The following GRID2 variants were observed in gnomAD, a reference collection of about 807,000 sequenced individuals.
GRID2 encodes glutamate receptor ionotropic, delta-2.
GRID2 carries 33 observed loss-of-function variants against 114.8 expected under a neutral mutation model. The observed-to-expected ratio is 0.29, with a 90% CI of 0.22 to 0.38. GRID2 has a LOEUF of 0.38. Ranked by LOEUF, GRID2 falls within the 10% of genes least tolerant of loss-of-function variation. The pLI, the probability that GRID2 is intolerant of heterozygous loss-of-function variation, is 1.00. For missense variants in GRID2, 1,184 were observed against 1,257.7 expected (o/e 0.94, Z 0.89); for synonymous variants, 505 against 449.9 (o/e 1.12, Z -1.55).
At chr4:92,836,624 A>G (rs1742479144) in intron 2 of GRID2, among the ~76,000 whole-genome samples, 1 of 152,164 alleles carries the variant, frequency 6.6e-6, no homozygotes, top group Non-Finnish European at 1.5e-5. Flanking sequence ...GGAAAATGTA[A>G]GGAGGCAGAA....
chr4:92,867,609 T>C (rs1744967377), intron 2 of GRID2, among the ~76,000 whole-genome samples: 1 of 151,856 alleles, frequency 6.6e-6, no homozygotes, highest in South Asian at 2.1e-4. Context: ...CATGTCAAGC[T>C]TTAGAGAACA....
At position 93,515,216 on chromosome 4, in the gene GRID2, G is replaced by A. The variant is rs559009516; in HGVS notation, c.1998G>A (p.Gln666=). Residue 666 remains glutamine, a splice_region_variant and synonymous_variant, in exon 13 of 16, where the codon CAG becomes CAA. Coordinates refer to ENST00000282020, the MANE Select transcript of GRID2 (RefSeq NM_001510.4). ...TCTCTCTTCTCTCCCAATAATCAAG[G>A]TCTCTCCAGGACCTTTCCAAGCAAA... is the stretch of plus-strand genomic sequence containing the variant. ...LTITRIESSI[Q]SLQDLSKQTE... is the part of the protein sequence containing the mutation. The A allele has an allele frequency of 7.5e-6, 11 of 1,473,518 alleles. No individual in the cohort carries two copies. The highest frequency in any genetic ancestry group is 1.0e-5 in the Non-Finnish European group (11 of 1,085,952). The allele number at this position is 1,473,518 out of a possible 1,614,324, so 91.3% of individuals were successfully genotyped here.
At chr4:92,777,501 T>C (rs188393508) in intron 2 of GRID2, among the ~76,000 whole-genome samples, 1 of 152,062 alleles carries the variant, frequency 6.6e-6, no homozygotes, top group African/African-American at 2.4e-5. Flanking sequence ...TACTACTACT[T>C]TTCTTTTTAG....
rs116517260 is a variant in GRID2 at position 92,428,422 on chromosome 4, G to A, written c.88+123678G>A. 7.4e-3 allele frequency among the ~76,000 whole-genome samples: 1,118 copies of A among 151,154 alleles called. 17 individuals carry two copies. The highest frequency in any genetic ancestry group is 0.026 in the African/African-American group (1,065 of 41,168). On this transcript the variant is annotated intron_variant, in intron 1 of 15. Coordinates refer to ENST00000282020, the MANE Select transcript of GRID2 (RefSeq NM_001510.4). ...TCTCTTAACTTCTGATATTTCCTTCGGTAATCCTGTTACAGTTTCTAAATT... is the reference window on the plus strand; with the variant it reads ...TCTCTTAACTTCTGATATTTCCTTCAGTAATCCTGTTACAGTTTCTAAATT...
intron 8 of GRID2, chr4:93,318,666 A>G (rs1756929360): frequency 6.6e-6 from 1 of 152,140 alleles, no homozygotes; most frequent in African/African-American, 2.4e-5. Flanking sequence ...ATTCAAGAGC[A>G]TACCACTCAT....
intron 4 of GRID2, among the ~76,000 whole-genome samples, chr4:93,159,160 A>C (rs894526240): frequency 6.6e-6 from 1 of 151,450 alleles, no homozygotes; most frequent in Non-Finnish European, 1.5e-5. Flanking sequence ...CCACCTACAC[A>C]GTGGAAAAGA....
At chr4:92,332,697 A>G (rs374575967) in intron 1 of GRID2, among the ~76,000 whole-genome samples, 3 of 152,230 alleles carry the variant, frequency 2.0e-5, no homozygotes, top group East Asian at 1.9e-4. Flanking sequence ...CTTCCAAAAT[A>G]CAATGGTGGG....
intron 3 of GRID2, among the ~76,000 whole-genome samples, chr4:93,099,490 A>G (rs1428170027): frequency 6.6e-6 from 1 of 151,868 alleles, no homozygotes; most frequent in East Asian, 1.9e-4. Flanking sequence ...TAATTTTGAA[A>G]ATCAGAGACC....
chr4:92,833,494 T>C (rs540277602), intron 2 of GRID2, among the ~76,000 whole-genome samples: 38 of 152,188 alleles, frequency 2.5e-4, no homozygotes, highest in Middle Eastern at 6.8e-3. Context: ...CACTTGATGA[T>C]CTTTCTTTCT....
intron 2 of GRID2, among the ~76,000 whole-genome samples, chr4:93,056,210 T>A (rs1314168859): frequency 6.6e-6 from 1 of 151,920 alleles, no homozygotes; most frequent in Non-Finnish European, 1.5e-5. Context: ...AAGAAACATA[T>A]GTTCGAGTTA....
intron 2 of GRID2, among the ~76,000 whole-genome samples, chr4:92,931,821 C>T (rs991672788): frequency 6.6e-6 from 1 of 151,058 alleles, no homozygotes; most frequent in African/African-American, 2.4e-5. Context: ...TATCCACACA[C>T]GTGCAGTCAA....
chr4:93,221,870 G>T (rs1398293111), intron 6 of GRID2, among the ~76,000 whole-genome samples: 2 of 152,128 alleles, frequency 1.3e-5, no homozygotes, highest in Non-Finnish European at 2.9e-5. Flanking sequence ...TGCCTGTCAT[G>T]TAACAGGTAC....
At chr4:92,488,467 A>G (rs1343563176) in intron 1 of GRID2, among the ~76,000 whole-genome samples, 1 of 152,134 alleles carries the variant, frequency 6.6e-6, no homozygotes, top group African/African-American at 2.4e-5. Context: ...GCTGGCATGA[A>G]GGAGGTAACT....
At chr4:93,207,925 T>C (rs951486836) in intron 5 of GRID2, among the ~76,000 whole-genome samples, 2 of 152,026 alleles carry the variant, frequency 1.3e-5, no homozygotes, top group Non-Finnish European at 2.9e-5. Flanking sequence ...TACAACTGTT[T>C]TCAAATCTTT....
intron 13 of GRID2, among the ~76,000 whole-genome samples, chr4:93,553,410 T>C (rs1473809752): frequency 6.6e-6 from 1 of 152,200 alleles, no homozygotes; most frequent in African/African-American, 2.4e-5. Flanking sequence ...TGGTTCTAAT[T>C]CCTCTTGTAT....
chr4:92,720,807 T>C (rs537374191), intron 2 of GRID2, among the ~76,000 whole-genome samples: 2 of 152,254 alleles, frequency 1.3e-5, no homozygotes, highest in African/African-American at 4.8e-5. Flanking sequence ...TCTGGGTATA[T>C]ACCCATAAAC....
intron 4 of GRID2, among the ~76,000 whole-genome samples, chr4:93,137,186 G>A (rs971995988): frequency 2.0e-5 from 3 of 152,092 alleles, no homozygotes; most frequent in Non-Finnish European, 4.4e-5. Flanking sequence ...AATTTCAGTA[G>A]GAAATCAATA....
chr4:93,023,019 A>G (rs1325242462), intron 2 of GRID2, among the ~76,000 whole-genome samples: 1 of 151,968 alleles, frequency 6.6e-6, no homozygotes, highest in South Asian at 2.1e-4. Context: ...TTGTTTATGT[A>G]TAAATAGTGA....
chr4:93,107,512 T>C (rs1732352884), intron 3 of GRID2, among the ~76,000 whole-genome samples: 1 of 152,096 alleles, frequency 6.6e-6, no homozygotes, highest in South Asian at 2.1e-4. Context: ...AAATTAAGGA[T>C]AATTAATTTA....
Sources: gnomAD v4.1 joint callset for allele counts (sites outside exome capture counted in the v4.1 genomes callset) on GRCh38, gnomAD v4.1.1 for gene constraint, MANE v1.5 for transcripts, NCBI Gene and HGNC (gene_info 2026-07-23, HGNC 2026-07-21) for gene names.